SYN1: variants seen among roughly 807,000 people sequenced by gnomAD.
SYN1 encodes the protein synapsin I.
In SYN1, 8 loss-of-function variants were observed where a neutral mutation model predicts 44.6. The observed-to-expected ratio is 0.18, with a 90% CI of 0.11 to 0.32. SYN1 has a LOEUF of 0.32. Ranked by LOEUF, SYN1 falls within the 10% of genes least tolerant of loss-of-function variation. The pLI is 1.00. For synonymous variants in SYN1, 275 were observed against 280.1 expected (o/e 0.98, Z 0.18); for missense variants, 451 against 639.4 (o/e 0.71, Z 3.18).
In SYN1 at chrX:47,586,726, T is replaced by C. The variant is rs200541566; in HGVS notation, c.775-9225A>G. 1,689 of 1,182,243 alleles carry C rather than the reference T, an allele frequency of 1.4e-3. 8 individuals carry two copies. The highest frequency in any genetic ancestry group is 3.0e-3 in the Middle Eastern group (11 of 3,659). ...GGAGTGGAAGCTGAAGCCTGCACAG[T>C]GTCCACCCTGTTCCCACTCCCATCT... On this transcript the variant is annotated intron_variant, in intron 5 of 12. Coordinates refer to ENST00000295987, the MANE Select transcript of SYN1 (RefSeq NM_006950.3).
chrX:47,579,238 C>G (rs2057788128), intron 5 of SYN1, among the ~76,000 whole-genome samples: 1 of 111,616 alleles, frequency 9.0e-6, no homozygotes, highest in Non-Finnish European at 1.9e-5. Context: ...TTTTCGTTAA[C>G]TGTCCTTGTT....
chrX:47,606,749 A>T (rs190129690), intron 3 of SYN1, among the ~76,000 whole-genome samples, 196 bp downstream of exon 3: 3,099 of 98,864 alleles, frequency 0.031, 111 homozygotes, highest in East Asian at 0.12. Flanking sequence ...ATATATATAT[A>T]TATTTTTTTT....
chrX:47,598,088 G>T (rs2057868973), intron 5 of SYN1, among the ~76,000 whole-genome samples: 1 of 112,245 alleles, frequency 8.9e-6, no homozygotes, highest in Admixed American at 9.4e-5. Context: ...TCTACATAAA[G>T]AAATAAATAG....
At chrX:47,581,531 G>A (rs1418080772) in intron 5 of SYN1, among the ~76,000 whole-genome samples, 3 of 111,515 alleles carry the variant, frequency 2.7e-5, no homozygotes, top group Admixed American at 9.5e-5. Flanking sequence ...TCATTCACCC[G>A]CACCATTCCC....
At chrX:47,601,128 C>T (rs1478776938) in intron 5 of SYN1, among the ~76,000 whole-genome samples, 1 of 111,285 alleles carries the variant, frequency 9.0e-6, no homozygotes, top group African/African-American at 3.3e-5. Flanking sequence ...ATTGATAAAC[C>T]TTTAGACTAA....
intron 5 of SYN1, among the ~76,000 whole-genome samples, chrX:47,599,925 G>A (rs1453177502): frequency 8.9e-6 from 1 of 112,064 alleles, no homozygotes; most frequent in Non-Finnish European, 1.9e-5. Flanking sequence ...CCAAAAGAGA[G>A]CTGGAATAGC....
At chrX:47,577,639 A>C (rs1442436696) in intron 5 of SYN1, 138 bp from the exon 6 acceptor site, 4 of 548,668 alleles carry the variant, frequency 7.3e-6, no homozygotes, top group Non-Finnish European at 1.2e-5. Flanking sequence ...AGAGACAGGC[A>C]GGCAGCAGCT....
At chrX:47,585,652 C>A (rs2057821832) in intron 5 of SYN1, 1 of 1,205,599 alleles carries the variant, frequency 8.3e-7, no homozygotes, top group African/African-American at 1.7e-5. Context: ...ACACTGTTGG[C>A]TGTGAGGAAT....
chrX:47,585,133 T>A (rs2057817657), intron 5 of SYN1: 2 of 1,163,796 alleles, frequency 1.7e-6, no homozygotes, highest in Non-Finnish European at 2.3e-6. Context: ...GGATGCTATA[T>A]GACTTCAGGG....
chrX:47,589,822 T>C (rs2057841879), intron 5 of SYN1: 1 of 111,114 alleles, frequency 9.0e-6, no homozygotes, highest in African/African-American at 3.3e-5. Flanking sequence ...GTGCTAGGCA[T>C]ATAGCACTTA....
At chrX:47,585,102 A>G (rs2057817504) in intron 5 of SYN1, 1 of 1,168,512 alleles carries the variant, frequency 8.6e-7, no homozygotes, top group Non-Finnish European at 1.2e-6. Flanking sequence ...GGTTGGTGCG[A>G]GAAAGTTGGC....
rs1323024127 is a variant in SYN1, at chrX:47,574,097, A to G, written c.1887T>C (p.Ala629=). ...GGGCCAGCTGTGGTTTGGGACGTCC[A>G]GCGGGGCCCGGGCCGCTGGGCCGAG... ...QQPRPSGPGP[A]GRPKPQLAQK... Residue 629 remains alanine (A), a synonymous_variant, in exon 12 of 13, where the codon GCT becomes GCC. Coordinates refer to ENST00000295987, the MANE Select transcript of SYN1 (RefSeq NM_006950.3). 1 of 1,129,535 alleles carries G rather than the reference A, an allele frequency of 8.9e-7. No homozygotes were observed. Among genetic ancestry groups the G allele is most frequent in the Admixed American group, 2.8e-5 (1 of 36,169 alleles). The allele number at this position is 1,129,535 out of a possible 1,213,427, so 93.1% of individuals were successfully genotyped here. A position where few individuals can be genotyped will look rare whatever the true frequency, so the allele number is the denominator to read the frequency against.
rs752926074 is a variant in SYN1 at position 47,576,388 on chromosome X, C to A, written c.999G>T (p.Gly333=). 133 of 1,210,454 alleles carry A rather than the reference C, an allele frequency of 1.1e-4. 2 individuals carry two copies. The South Asian group carries it at 2.2e-3, about 20-fold the overall frequency. The change falls in exon 8 of 13, where the codon GGG becomes GGT. Residue 333 remains glycine, a synonymous_variant. Transcript: ENST00000295987. The part of the protein sequence containing the change: ...YKAYMRTSVS[G]NWKTNTGSAM... ...CAGAGCCAGTATTGGTCTTCCAGTT[C>A]CCTGACACTGACGTCCTCCTGGGGG...
chrX:47,587,705 A>G (rs1240808843), intron 5 of SYN1, among the ~76,000 whole-genome samples: 2 of 110,535 alleles, frequency 1.8e-5, no homozygotes, highest in Admixed American at 1.9e-4. Context: ...ACTGAGTGAG[A>G]GAACCTCCAA....
intron 1 of SYN1, among the ~76,000 whole-genome samples, chrX:47,614,842 G>A (rs1027376139): frequency 8.9e-6 from 1 of 111,964 alleles, no homozygotes; most frequent in African/African-American, 3.2e-5. Context: ...TGGCCACCCC[G>A]CTTCAACTGG....
At chrX:47,576,453 G>A in intron 7 of SYN1, 45 bp downstream of exon 7, 3 of 1,212,210 alleles carry the variant, frequency 2.5e-6, no homozygotes, top group Non-Finnish European at 3.3e-6. Context: ...AGCTGCATGA[G>A]GCAAGGCAGG....
chrX:47,586,770 TAA>T, intron 5 of SYN1: 2 of 1,103,484 alleles, frequency 1.8e-6, no homozygotes, highest in Non-Finnish European at 1.2e-6. Context: ...GACAATGAAA[TAA>T]AGAGTTACCA....
At chrX:47,617,303 G>T (rs1488655476) in intron 1 of SYN1, among the ~76,000 whole-genome samples, 1 of 110,980 alleles carries the variant, frequency 9.0e-6, no homozygotes, top group Admixed American at 9.6e-5. Context: ...CAGGGTCAGG[G>T]ATTTCCAGAG....
intron 5 of SYN1, chrX:47,585,557 G>C (rs1457756073): frequency 8.3e-7 from 1 of 1,198,719 alleles, no homozygotes; most frequent in African/African-American, 1.8e-5. Flanking sequence ...ACTGCAGGAT[G>C]GACTCTTGCA....
Sources: allele counts gnomAD v4.1 joint callset (sites outside exome capture counted in the v4.1 genomes callset), GRCh38; gene constraint gnomAD v4.1.1; transcripts MANE v1.5; gene names NCBI Gene and HGNC (gene_info 2026-07-23, HGNC 2026-07-21).